Variants in ADGRB3 observed in about 807,000 individuals in gnomAD.
ADGRB3 encodes the protein adhesion G protein-coupled receptor B3, also known as brain-specific angiogenesis inhibitor 3.
Under a neutral mutation model 193.4 loss-of-function variants are expected in ADGRB3, and 37 were observed. The observed-to-expected ratio is 0.19, with a 90% CI of 0.15 to 0.25. The LOEUF (loss-of-function observed/expected upper bound fraction) is 0.25. ADGRB3 is among the 10% of genes least tolerant of loss of function. The pLI is 1.00. For synonymous variants in ADGRB3, 690 were observed against 644.2 expected (o/e 1.07, Z -1.08); for missense variants, 1,637 against 1,852.9 (o/e 0.88, Z 2.14).
At chr6:68,974,703 T>G in intron 8 of ADGRB3, 60 bp from the exon 9 acceptor site, 1 of 1,447,352 alleles carries the variant, frequency 6.9e-7, no homozygotes, top group Non-Finnish European at 9.7e-7. Flanking sequence ...TTGACAATTG[T>G]TTATTGCCAA....
intron 17 of ADGRB3, among the ~76,000 whole-genome samples, chr6:69,140,125 G>A (rs1274662780): frequency 6.6e-6 from 1 of 152,112 alleles, no homozygotes; most frequent in Non-Finnish European, 1.5e-5. Flanking sequence ...TAGCATCTTG[G>A]AAAACTTGGA....
At chr6:68,848,837 C>T (rs560914593) in intron 3 of ADGRB3, among the ~76,000 whole-genome samples, 1 of 152,088 alleles carries the variant, frequency 6.6e-6, no homozygotes, top group South Asian at 2.1e-4. Context: ...AAAAATATTT[C>T]ATTTATACTG....
intron 11 of ADGRB3, among the ~76,000 whole-genome samples, chr6:69,001,566 G>A (rs1769577490): frequency 6.6e-6 from 1 of 152,164 alleles, no homozygotes; most frequent in Non-Finnish European, 1.5e-5. Flanking sequence ...TATGAGAAAA[G>A]AAGAGAGCGT....
intron 19 of ADGRB3, among the ~76,000 whole-genome samples, chr6:69,235,914 T>A (rs933244653): frequency 6.6e-6 from 1 of 151,934 alleles, no homozygotes; most frequent in Non-Finnish European, 1.5e-5. Flanking sequence ...TTTTTAAATT[T>A]TTAAATGTTA....
intron 13 of ADGRB3, among the ~76,000 whole-genome samples, chr6:69,044,463 G>T (rs144306283): frequency 1.2e-3 from 177 of 152,292 alleles, no homozygotes; most frequent in African/African-American, 3.9e-3. Flanking sequence ...ATCCTGCTTT[G>T]ATGTATCAAA....
chr6:68,886,667 C>A (rs573274030), intron 3 of ADGRB3, among the ~76,000 whole-genome samples: 88 of 152,046 alleles, frequency 5.8e-4, no homozygotes, highest in African/African-American at 2.0e-3. Flanking sequence ...AACTAAAGAG[C>A]AAAAATAATT....
chr6:69,048,633 A>G (rs916014815), intron 14 of ADGRB3, among the ~76,000 whole-genome samples: 1 of 152,092 alleles, frequency 6.6e-6, no homozygotes, highest in Non-Finnish European at 1.5e-5. Context: ...GTGGACTAAT[A>G]TTTTACCTTT....
intron 17 of ADGRB3, among the ~76,000 whole-genome samples, chr6:69,141,642 G>A (rs542105540): frequency 4.6e-5 from 7 of 152,212 alleles, no homozygotes; most frequent in South Asian, 2.1e-4. Context: ...CAAGTAGAAG[G>A]GGGAAGTGGG....
intron 28 of ADGRB3, 135 bp downstream of exon 28, chr6:69,355,995 C>G: frequency 1.5e-6 from 1 of 648,752 alleles, no homozygotes; most frequent in Non-Finnish European, 2.5e-6. Flanking sequence ...TAAAGCAGCC[C>G]CCAAATGCCA....
At chr6:69,258,485 A>G (rs1277258405) in intron 20 of ADGRB3, among the ~76,000 whole-genome samples, 2 of 152,248 alleles carry the variant, frequency 1.3e-5, no homozygotes, top group Admixed American at 6.5e-5. Context: ...GATACAGTTA[A>G]TGCATTCAGC....
chr6:69,122,958 A>G (rs1402196869), intron 17 of ADGRB3, among the ~76,000 whole-genome samples: 1 of 150,268 alleles, frequency 6.7e-6, no homozygotes, highest in Non-Finnish European at 1.5e-5. Context: ...AGATATATGT[A>G]TGTATATATA....
intron 22 of ADGRB3, among the ~76,000 whole-genome samples, chr6:69,328,418 G>T (rs1448197423): frequency 6.6e-6 from 1 of 152,142 alleles, no homozygotes; most frequent in African/African-American, 2.4e-5. Context: ...TATGATATCA[G>T]CTTATTTTAT....
chr6:69,286,341 C>G (rs1001228034), intron 20 of ADGRB3, among the ~76,000 whole-genome samples: 1 of 152,174 alleles, frequency 6.6e-6, no homozygotes, highest in Non-Finnish European at 1.5e-5. Flanking sequence ...ATTCTCCTTT[C>G]CAACTTTTCC....
intron 17 of ADGRB3, among the ~76,000 whole-genome samples, chr6:69,146,821 C>CTTTTTTTTTTTTTT (rs756561473): frequency 2.9e-5 from 3 of 103,240 alleles, no homozygotes; most frequent in African/African-American, 3.8e-5. Context: ...CTCATTACTT[C>CTTTTTTTTTTTTTT]TTTTTTTTTT....
chr6:68,653,914 C>CCCTCTCTT (rs1561984050), intron 3 of ADGRB3, among the ~76,000 whole-genome samples: 1 of 151,874 alleles, frequency 6.6e-6, no homozygotes, highest in Non-Finnish European at 1.5e-5. Context: ...CTCCCTCTCT[C>CCCTCTCTT]CCTCTCTTCC....
chr6:69,088,176 TTGAAA>T (rs1389677370), intron 17 of ADGRB3, among the ~76,000 whole-genome samples: 3 of 152,278 alleles, frequency 2.0e-5, no homozygotes, highest in African/African-American at 7.2e-5. Context: ...ATTTACTGAA[TTGAAA>T]TGGAATGAAG....
chr6:68,719,809 G>A (rs75278463), intron 3 of ADGRB3, among the ~76,000 whole-genome samples: 3,069 of 151,398 alleles, frequency 0.02, 71 homozygotes, highest in Middle Eastern at 0.088. Flanking sequence ...CCAAGATAAA[G>A]TGAAAAAAAG....
intron 3 of ADGRB3, among the ~76,000 whole-genome samples, chr6:68,825,372 G>A (rs1767823735): frequency 6.6e-6 from 1 of 152,016 alleles, no homozygotes; most frequent in Non-Finnish European, 1.5e-5. Flanking sequence ...AGGTACCCAA[G>A]AACACTTAAA....
chr6:69,386,715 G>A (rs1009443204), intron 31 of ADGRB3, among the ~76,000 whole-genome samples: 4 of 151,972 alleles, frequency 2.6e-5, no homozygotes, highest in African/African-American at 9.7e-5. Flanking sequence ...TTACTTCCCA[G>A]TGTGTCATTC....
Sources: allele counts gnomAD v4.1 joint callset (sites outside exome capture counted in the v4.1 genomes callset), GRCh38; gene constraint gnomAD v4.1.1; transcripts MANE v1.5; gene names NCBI Gene and HGNC (gene_info 2026-07-23, HGNC 2026-07-21).